Variants in ST6GALNAC3 observed in about 807,000 individuals in gnomAD.
ST6GALNAC3 encodes ST6 N-acetylgalactosaminide alpha-2,6-sialyltransferase 3, also known as alpha-N-acetylgalactosaminide alpha-2,6-sialyltransferase 3.
ST6GALNAC3 carries 25 observed loss-of-function variants against 32.7 expected under a neutral mutation model. The ratio of observed to expected loss-of-function variants is 0.76; its 90% CI spans 0.56 to 1.07. The LOEUF (loss-of-function observed/expected upper bound fraction) is 1.07. Among genes scored for constraint, ST6GALNAC3 ranks in the 50% least tolerant of loss-of-function variants. The pLI is 0.00. For missense variants in ST6GALNAC3, 355 were observed against 382.4 expected (o/e 0.93, Z 0.60); for synonymous variants, 129 against 133.1 (o/e 0.97, Z 0.21).
intron 1 of ST6GALNAC3, among the ~76,000 whole-genome samples, chr1:76,114,698 C>T (rs1164770636): frequency 1.3e-5 from 2 of 152,062 alleles, no homozygotes; most frequent in African/African-American, 4.8e-5. Flanking sequence ...CATTTGAGGT[C>T]AGGAGTTCGA....
At chr1:76,375,898 T>G (rs1651185916) in intron 2 of ST6GALNAC3, among the ~76,000 whole-genome samples, 1 of 152,160 alleles carries the variant, frequency 6.6e-6, no homozygotes, top group African/African-American at 2.4e-5. Context: ...TGCATAGTGT[T>G]AAAACTTGTG....
chr1:76,627,901 T>C (rs1241245081), intron 4 of ST6GALNAC3, among the ~76,000 whole-genome samples: 1 of 151,964 alleles, frequency 6.6e-6, no homozygotes, highest in East Asian at 1.9e-4. Flanking sequence ...GATGGCTTGA[T>C]GGATAGCTAT....
At chr1:76,142,447 A>G (rs751967628) in intron 1 of ST6GALNAC3, among the ~76,000 whole-genome samples, 4 of 152,118 alleles carry the variant, frequency 2.6e-5, no homozygotes, top group Non-Finnish European at 4.4e-5. Flanking sequence ...AGCCATAGCT[A>G]ATTTTCCATT....
chr1:76,215,466 A>C (rs1287108990), intron 1 of ST6GALNAC3, among the ~76,000 whole-genome samples: 2 of 152,200 alleles, frequency 1.3e-5, no homozygotes, highest in African/African-American at 2.4e-5. Context: ...TGTGGGATGC[A>C]GCTTTGGCAT....
At chr1:76,473,616 T>C (rs954481795) in intron 3 of ST6GALNAC3, among the ~76,000 whole-genome samples, 6 of 152,200 alleles carry the variant, frequency 3.9e-5, no homozygotes, top group South Asian at 4.1e-4. Flanking sequence ...AGAATAGTTA[T>C]AGATGGGAAA....
rs114327128 is a variant in ST6GALNAC3 at position 76,105,806 on chromosome 1, T to C, written c.18+30922T>C. 1.3e-3 allele frequency among the ~76,000 whole-genome samples: 192 copies of C among 152,344 alleles called. 1 individual carries two copies. The highest frequency in any genetic ancestry group is 4.2e-3 in the African/African-American group (176 of 41,568). On this transcript the variant is annotated intron_variant, in intron 1 of 4. Coordinates refer to ENST00000328299, the MANE Select transcript of ST6GALNAC3 (RefSeq NM_152996.4). ...AATACATCCTGGATTGCTAGTGCTA[T>C]TACCGTCTGGCTATTACATTTAAAA...
intron 1 of ST6GALNAC3, among the ~76,000 whole-genome samples, chr1:76,075,850 G>T (rs1404084247): frequency 6.6e-6 from 1 of 152,206 alleles, no homozygotes; most frequent in East Asian, 1.9e-4. Context: ...ACTGTGTGAC[G>T]ATGGAAAATA....
At chr1:76,471,925 G>A (rs1421149767) in intron 3 of ST6GALNAC3, among the ~76,000 whole-genome samples, 1 of 151,524 alleles carries the variant, frequency 6.6e-6, no homozygotes, top group Non-Finnish European at 1.5e-5. Flanking sequence ...ATGCTATTGA[G>A]CCATTGCTAA....
chr1:76,553,454 G>T (rs1664748469), intron 3 of ST6GALNAC3, among the ~76,000 whole-genome samples: 1 of 152,112 alleles, frequency 6.6e-6, no homozygotes, highest in Non-Finnish European at 1.5e-5. Context: ...TACATTATTT[G>T]CTGAGGAGGT....
chr1:76,113,801 A>C (rs1031368261), intron 1 of ST6GALNAC3, among the ~76,000 whole-genome samples: 32 of 151,958 alleles, frequency 2.1e-4, no homozygotes, highest in African/African-American at 7.2e-4. Context: ...TTGTTTGTGG[A>C]AGTTAGTTTT....
intron 2 of ST6GALNAC3, among the ~76,000 whole-genome samples, chr1:76,386,884 G>A (rs1652136310): frequency 6.6e-6 from 1 of 152,106 alleles, no homozygotes; most frequent in African/African-American, 2.4e-5. Context: ...ATCAGTAGAG[G>A]TTTTTAAGAG....
chr1:76,312,155 C>T (rs535775443), intron 1 of ST6GALNAC3, among the ~76,000 whole-genome samples: 1 of 123,786 alleles, frequency 8.1e-6, no homozygotes, highest in East Asian at 2.0e-4. Context: ...CTTTGACAAA[C>T]CTGACAAAAA....
At chr1:76,478,070 A>G (rs1659469654) in intron 3 of ST6GALNAC3, among the ~76,000 whole-genome samples, 1 of 152,112 alleles carries the variant, frequency 6.6e-6, no homozygotes, top group African/African-American at 2.4e-5. Context: ...TGAATGTAGG[A>G]CCTGCTCCTT....
chr1:76,108,355 G>T (rs1647681646), intron 1 of ST6GALNAC3, among the ~76,000 whole-genome samples: 1 of 152,142 alleles, frequency 6.6e-6, no homozygotes, highest in Non-Finnish European at 1.5e-5. Flanking sequence ...ACATAACATG[G>T]TTTTGCATGC....
intron 1 of ST6GALNAC3, among the ~76,000 whole-genome samples, chr1:76,119,342 A>G (rs1648703730): frequency 6.6e-6 from 1 of 152,228 alleles, no homozygotes; most frequent in Admixed American, 6.5e-5. Context: ...AATAATTGAA[A>G]CAATGATTGT....
At chr1:76,080,277 T>C (rs974570299) in intron 1 of ST6GALNAC3, among the ~76,000 whole-genome samples, 1 of 149,370 alleles carries the variant, frequency 6.7e-6, no homozygotes, top group African/African-American at 2.5e-5. Context: ...GTTTGCTGAA[T>C]GTATCAGTGG....
chr1:76,211,086 C>T (rs1209883881), intron 1 of ST6GALNAC3, among the ~76,000 whole-genome samples: 1 of 152,212 alleles, frequency 6.6e-6, no homozygotes, highest in Non-Finnish European at 1.5e-5. Context: ...TATGACCTCA[C>T]TTACTCTTAA....
Position 76,497,055 on chromosome 1 carries a change from T to A in ST6GALNAC3, c.623+84638T>A, listed in dbSNP as rs74971539. Among the ~76,000 whole-genome samples the A allele has an allele frequency of 3.3e-3, 503 of 152,314 alleles. 4 individuals carry two copies. The highest frequency in any genetic ancestry group is 5.4e-3 in the Non-Finnish European group (368 of 68,038). On this transcript the variant is annotated intron_variant, in intron 3 of 4. Transcript: ENST00000328299. ...TTGTTTTTAACAGTTACAATTTGGA[T>A]CCTTGCCAAAGGTGCCAGATGGCCT...
At chr1:76,126,242 ATT>A (rs962784856) in intron 1 of ST6GALNAC3, among the ~76,000 whole-genome samples, 1 of 152,018 alleles carries the variant, frequency 6.6e-6, no homozygotes, top group Non-Finnish European at 1.5e-5. Flanking sequence ...TCTTTTTAGT[ATT>A]TTTTAAATGC....
Sources: allele counts gnomAD v4.1 joint callset (sites outside exome capture counted in the v4.1 genomes callset), GRCh38; gene constraint gnomAD v4.1.1; transcripts MANE v1.5; gene names NCBI Gene and HGNC (gene_info 2026-07-23, HGNC 2026-07-21).